KIAA0825: variants seen among roughly 807,000 people sequenced by gnomAD.
KIAA0825 encodes the protein uncharacterized protein KIAA0825.
A neutral mutation model predicts 147.6 loss-of-function variants in KIAA0825; 119 were observed. The observed-to-expected ratio is 0.81, with a 90% CI of 0.69 to 0.94. The LOEUF is 0.94. Among genes scored for constraint, KIAA0825 ranks in the 40% least tolerant of loss-of-function variants. The pLI, the probability that KIAA0825 is intolerant of heterozygous loss-of-function variation, is 0.00. For synonymous variants in KIAA0825, 470 were observed against 518.1 expected (o/e 0.91, Z 1.26); for missense variants, 1,381 against 1,472.7 (o/e 0.94, Z 1.02).
At chr5:94,229,920 CT>C (rs1029013617) in intron 20 of KIAA0825, among the ~76,000 whole-genome samples, 1 of 151,938 alleles carries the variant, frequency 6.6e-6, no homozygotes, top group African/African-American at 2.4e-5. Flanking sequence ...CCTATGGGTT[CT>C]TTTTTTTCTA....
intron 20 of KIAA0825, among the ~76,000 whole-genome samples, chr5:94,258,702 AGT>A (rs1249943593): frequency 1.8e-4 from 28 of 152,172 alleles, no homozygotes; most frequent in Middle Eastern, 6.8e-3. Context: ...ATCACTGAAA[AGT>A]GATTGCAACT....
chr5:94,451,642 T>G (rs1223242630), intron 13 of KIAA0825, among the ~76,000 whole-genome samples: 1 of 152,172 alleles, frequency 6.6e-6, no homozygotes, highest in East Asian at 1.9e-4. Flanking sequence ...ATATAAGAAT[T>G]AGTGTTTGAA....
chr5:94,267,491 C>T (rs1393720621), intron 20 of KIAA0825, among the ~76,000 whole-genome samples: 1 of 152,046 alleles, frequency 6.6e-6, no homozygotes, highest in Non-Finnish European at 1.5e-5. Context: ...GGGAGTGAAA[C>T]CGTGTGTATC....
intron 12 of KIAA0825, among the ~76,000 whole-genome samples, chr5:94,458,928 G>C (rs1348568792): frequency 6.6e-6 from 1 of 151,952 alleles, no homozygotes; most frequent in Non-Finnish European, 1.5e-5. Flanking sequence ...TCTAATTTTA[G>C]AATATTTTAT....
intron 5 of KIAA0825, among the ~76,000 whole-genome samples, chr5:94,493,843 G>T (rs1764020677): frequency 6.6e-6 from 1 of 151,982 alleles, no homozygotes. Context: ...ACTAAAATTT[G>T]CACCCATTGA....
At chr5:94,524,157 T>G in intron 3 of KIAA0825, 59 bp from the exon 4 acceptor site, 1 of 1,110,870 alleles carries the variant, frequency 9.0e-7, no homozygotes, top group Non-Finnish European at 1.3e-6. Flanking sequence ...CTTCATTTCA[T>G]AATATCACAG....
At chr5:94,223,120 A>G (rs1329204993) in intron 20 of KIAA0825, among the ~76,000 whole-genome samples, 1 of 152,184 alleles carries the variant, frequency 6.6e-6, no homozygotes, top group East Asian at 1.9e-4. Flanking sequence ...CCTCTTCCAA[A>G]AAATTACATT....
intron 17 of KIAA0825, among the ~76,000 whole-genome samples, chr5:94,394,946 G>A (rs1232954827): frequency 6.6e-6 from 1 of 152,044 alleles, no homozygotes; most frequent in Admixed American, 6.6e-5. Flanking sequence ...TCCCCATTTG[G>A]ATTAATATGA....
chr5:94,336,818 A>G (rs1469922276), intron 20 of KIAA0825, among the ~76,000 whole-genome samples: 1 of 152,116 alleles, frequency 6.6e-6, no homozygotes, highest in Non-Finnish European at 1.5e-5. Context: ...CTAGTTCTAG[A>G]TTTTTGAGGA....
In KIAA0825 at chr5:94,180,784, A is replaced by T. The variant is rs187296233; in HGVS notation, c.3711-26660T>A. 4.2e-3 allele frequency among the ~76,000 whole-genome samples: 645 copies of T among 152,120 alleles called. 16 individuals are homozygous for T. Among genetic ancestry groups the T allele is most frequent in the Non-Finnish European group, 1.2e-3 (83 of 67,964 alleles). On this transcript the variant is annotated intron_variant, in intron 20 of 20. Transcript: ENST00000682413. Reference sequence around the variant, plus strand: ...AACTAAGTCTTACATACTTTTTTTCAGTGTCACAGAGTACTCAAATATTTT... The same window carrying T: ...AACTAAGTCTTACATACTTTTTTTCTGTGTCACAGAGTACTCAAATATTTT...
chr5:94,197,699 C>T (rs553579823), intron 20 of KIAA0825, among the ~76,000 whole-genome samples: 7 of 152,236 alleles, frequency 4.6e-5, no homozygotes, highest in Admixed American at 1.3e-4. Context: ...TATGGCTAGC[C>T]GGTTATCCCA....
rs575873997 is a variant in KIAA0825, at chr5:94,559,392, T to C, written c.-1-22265A>G. Reference sequence around the variant, plus strand: ...TTTCTATGCAAAGACTTCATGACTATCACACTGTCTAAGATGGAATGTTAA... The same window carrying C: ...TTTCTATGCAAAGACTTCATGACTACCACACTGTCTAAGATGGAATGTTAA... On this transcript the variant is annotated intron_variant, in intron 2 of 20. Transcript: ENST00000682413. Among the ~76,000 whole-genome samples the C allele has an allele frequency of 2.0e-5, 3 of 152,324 alleles. No homozygotes were observed. In the South Asian group the frequency reaches 6.2e-4, roughly 32 times the overall value.
Position 94,358,219 on chromosome 5 carries a change from C to CA in KIAA0825, c.3710+26148dup, listed in dbSNP as rs1744572305. On this transcript the variant is annotated intron_variant, in intron 20 of 20. Transcript: ENST00000682413. ...GGCAGCACTGCAACTGCTTTTTCCC[C>CA]AATCCTGCTCTACACACTGAAAAGT... Among the ~76,000 whole-genome samples, 4 of 152,336 alleles carry CA rather than the reference C, an allele frequency of 2.6e-5. No individual in the cohort carries two copies. The East Asian group carries it at 7.7e-4, about 29-fold the overall frequency.
rs545352684 is a variant in KIAA0825, at chr5:94,335,758, T to C, written c.3710+48610A>G. Among the ~76,000 whole-genome samples the C allele has an allele frequency of 2.0e-5, 3 of 152,230 alleles. No homozygotes were observed. In the East Asian group the frequency reaches 5.8e-4, roughly 29 times the overall value. ...ATTGATTATGATGAAAATGATTAGG[T>C]TGAGATTAAGTTAAAGGAATATCCA... is the stretch of plus-strand genomic sequence containing the variant. On this transcript the variant is annotated intron_variant, in intron 20 of 20. Coordinates refer to ENST00000682413, the MANE Select transcript of KIAA0825 (RefSeq NM_001145678.3).
intron 1 of KIAA0825, among the ~76,000 whole-genome samples, chr5:94,597,493 CA>C (rs1357838815): frequency 1.3e-5 from 2 of 152,100 alleles, no homozygotes; most frequent in Non-Finnish European, 2.9e-5. Flanking sequence ...CAATATTACA[CA>C]TTTCATATGA....
intron 20 of KIAA0825, among the ~76,000 whole-genome samples, chr5:94,286,078 A>G (rs1381764278): frequency 6.6e-6 from 1 of 152,126 alleles, no homozygotes; most frequent in African/African-American, 2.4e-5. Flanking sequence ...CAAAATAGAA[A>G]CCCCTAATCA....
At chr5:94,473,549 T>G in intron 7 of KIAA0825, 30 bp from the exon 8 acceptor site, 1 of 1,324,052 alleles carries the variant, frequency 7.6e-7, no homozygotes, top group Non-Finnish European at 1.1e-6. Context: ...GAAGTCATGT[T>G]AATCTTAACT....
intron 13 of KIAA0825, among the ~76,000 whole-genome samples, chr5:94,441,045 A>C (rs1194510359): frequency 1.3e-5 from 2 of 152,098 alleles, no homozygotes; most frequent in Non-Finnish European, 2.9e-5. Context: ...TGGGAGCATC[A>C]TATGCTTCAG....
At chr5:94,357,567 G>A (rs1657585021) in intron 20 of KIAA0825, among the ~76,000 whole-genome samples, 1 of 152,288 alleles carries the variant, frequency 6.6e-6, no homozygotes, top group South Asian at 2.1e-4. Context: ...GTTTATGGAT[G>A]GGTCTAGTTT....
Sources: gnomAD v4.1 joint callset for allele counts (sites outside exome capture counted in the v4.1 genomes callset) on GRCh38, gnomAD v4.1.1 for gene constraint, MANE v1.5 for transcripts, NCBI Gene and HGNC (gene_info 2026-07-23, HGNC 2026-07-21) for gene names.